The following FZR1 variants were observed in gnomAD, a reference collection of about 807,000 sequenced individuals.
FZR1 encodes the protein fizzy-related protein homolog.
In FZR1, 11 loss-of-function variants were observed where a neutral mutation model predicts 63.6. The ratio of observed to expected loss-of-function variants is 0.17; its 90% CI spans 0.11 to 0.29. FZR1 has a LOEUF of 0.29. Ranked by LOEUF, FZR1 falls within the 10% of genes least tolerant of loss-of-function variation. The pLI is 1.00. For synonymous variants in FZR1, 328 were observed against 297.9 expected (o/e 1.10, Z -1.04); for missense variants, 440 against 687.5 (o/e 0.64, Z 4.03).
rs190471746 is a variant in FZR1 at position 3,522,949 on chromosome 19, G to A, written c.-34-7G>A. ...CCCACTCACCTCTCCTGCCCTTCCC[G>A]CTGCAGGCTAACCTTGCCGCGGGCC... On this transcript the variant is annotated splice_polypyrimidine_tract_variant and splice_region_variant and intron_variant, in intron 1 of 13. Transcript: ENST00000441788. 3.2e-4 allele frequency: 480 copies of A among 1,482,362 alleles called. 1 individual carries two copies. Among genetic ancestry groups the A allele is most frequent in the African/African-American group, 1.1e-3 (82 of 72,448 alleles). The allele number at this position is 1,482,362 out of a possible 1,614,324, so 91.8% of individuals were successfully genotyped here. A position where few individuals can be genotyped will look rare whatever the true frequency, so the allele number is the denominator to read the frequency against.
At chr19:3,534,217 G>A (rs1166362742) in intron 12 of FZR1, 35 of 476,378 alleles carry the variant, frequency 7.3e-5, no homozygotes, top group Non-Finnish European at 1.0e-4. Flanking sequence ...GCCAGACCCC[G>A]TCTTAAAATT....
chr19:3,512,192 A>C (rs1215838193), intron 1 of FZR1, among the ~76,000 whole-genome samples: 2 of 152,292 alleles, frequency 1.3e-5, no homozygotes, highest in East Asian at 3.9e-4. Flanking sequence ...AGGAGCAGGG[A>C]GCAGTCTGGG....
At chr19:3,512,816 A>G (rs1374215073) in intron 1 of FZR1, among the ~76,000 whole-genome samples, 2 of 152,028 alleles carry the variant, frequency 1.3e-5, no homozygotes, top group Non-Finnish European at 2.9e-5. Flanking sequence ...TGGGAATGAG[A>G]TTAGTGGGAT....
intron 1 of FZR1, among the ~76,000 whole-genome samples, chr19:3,520,505 C>T (rs2083092171): frequency 6.6e-6 from 1 of 152,178 alleles, no homozygotes; most frequent in African/African-American, 2.4e-5. Flanking sequence ...AGGCGGTGGG[C>T]GCTGGCACCC....
intron 1 of FZR1, among the ~76,000 whole-genome samples, chr19:3,512,328 A>C (rs1354822529): frequency 6.6e-6 from 1 of 152,344 alleles, no homozygotes; most frequent in East Asian, 1.9e-4. Flanking sequence ...TCTCTGGGTC[A>C]TGCCGGGTGC....
At position 3,535,017 on chromosome 19, in the gene FZR1, C is replaced by CAGT; in HGVS notation, c.*183_*185dup. The CAGT allele has an allele frequency of 1.6e-6, 1 of 616,960 alleles. No homozygotes were observed. Among genetic ancestry groups the CAGT allele is most frequent in the East Asian group, 2.8e-5 (1 of 36,090 alleles). 38.2% of individuals were successfully genotyped at this position (616,960 alleles called of 1,614,324 possible). On this transcript the variant is annotated 3_prime_UTR_variant, in exon 14 of 14. Transcript: ENST00000441788. Reference sequence around the variant, plus strand: ...ATGCCTGATTGTGAACCATGTCCACCAGTATCTGGGGTGGGCACGTGGTCG... The same window carrying CAGT: ...ATGCCTGATTGTGAACCATGTCCACCAGTAGTATCTGGGGTGGGCACGTGGTCG...
chr19:3,522,863 T>C lies in FZR1; in HGVS notation c.-34-93T>C, dbSNP rs369466757. On this transcript the variant is annotated intron_variant, in intron 1 of 13. Transcript: ENST00000441788. ...GGAGCCAGGAGGACCCCACAGTCACTCTAGCTCCCAGGGCCTGGAGGTGCA... is the reference window on the plus strand; with the variant it reads ...GGAGCCAGGAGGACCCCACAGTCACCCTAGCTCCCAGGGCCTGGAGGTGCA... 82 of 735,960 alleles carry C rather than the reference T, an allele frequency of 1.1e-4. No homozygotes were observed. In the African/African-American group the frequency reaches 1.3e-3, roughly 12 times the overall value. The allele number at this position is 735,960 out of a possible 1,614,324, so 45.6% of individuals were successfully genotyped here.
At chr19:3,521,436 A>C (rs960956820) in intron 1 of FZR1, 3 of 151,928 alleles carry the variant, frequency 2.0e-5, no homozygotes, top group African/African-American at 7.3e-5. Flanking sequence ...GAAGATGAGA[A>C]AGTTCTAGAG....
At chr19:3,530,577 T>C (rs2083236855) in intron 7 of FZR1, among the ~76,000 whole-genome samples, 1 of 144,020 alleles carries the variant, frequency 6.9e-6, no homozygotes, top group Non-Finnish European at 1.5e-5. Flanking sequence ...TGAGAGTGGA[T>C]GGGAAAGCGG....
At chr19:3,528,945 A>T (rs1251537994) in intron 7 of FZR1, among the ~76,000 whole-genome samples, 2 of 140,108 alleles carry the variant, frequency 1.4e-5, no homozygotes, top group African/African-American at 5.4e-5. Context: ...AGTGGATGGG[A>T]GAGCGGATGG....
In FZR1 at chr19:3,515,052, C is replaced by T. The variant is rs1599773873; in HGVS notation, c.-34-7904C>T. Among the ~76,000 whole-genome samples, 1 of 152,160 alleles carries T rather than the reference C, an allele frequency of 6.6e-6. No individual in the cohort carries two copies. Among genetic ancestry groups the T allele is most frequent in the Admixed American group, 6.5e-5 (1 of 15,286 alleles). ...GCAGGAAGCCCGGTGGCCCAGGGCCCGGGTCCACCACCCAGACCAGGGCAA... is the reference window on the plus strand; with the variant it reads ...GCAGGAAGCCCGGTGGCCCAGGGCCTGGGTCCACCACCCAGACCAGGGCAA... On this transcript the variant is annotated intron_variant, in intron 1 of 13. Transcript: ENST00000441788. This position sits in a 1 kb window ranked among gnomAD's most constrained non-coding sequence, Gnocchi z 4.6.
intron 7 of FZR1, 50 bp from the exon 8 acceptor site, chr19:3,530,742 A>T: frequency 7.0e-7 from 1 of 1,422,914 alleles, no homozygotes. Context: ...CCATGGATAG[A>T]CTGGGGCTTC....
Position 3,522,986 on chromosome 19 carries a change from C to T in FZR1, c.-4C>T, listed in dbSNP as rs201877068. 75 of 1,608,978 alleles carry T rather than the reference C, an allele frequency of 4.7e-5. No homozygotes were observed. In the East Asian group the frequency reaches 1.5e-3, roughly 33 times the overall value. ...CCTTGCCGCGGGCCGAGCCCTGCCT[C>T]GCCATGGACCAGGACTATGAGCGGC... On this transcript the variant is annotated 5_prime_UTR_variant, in exon 2 of 14. Coordinates refer to ENST00000441788, the MANE Select transcript of FZR1 (RefSeq NM_016263.4).
In FZR1 at chr19:3,515,035, C is replaced by A. The variant is rs755326454; in HGVS notation, c.-34-7921C>A. On this transcript the variant is annotated intron_variant, in intron 1 of 13. Transcript: ENST00000441788. The surrounding 1 kb of genome is among the most constrained non-coding windows in gnomAD (Gnocchi z 4.6). ...GCCAAGGGGATGGGGCAGCAGGAAG[C>A]CCGGTGGCCCAGGGCCCGGGTCCAC... 5.1e-4 allele frequency among the ~76,000 whole-genome samples: 77 copies of A among 152,294 alleles called. No homozygotes were observed. The highest frequency in any genetic ancestry group is 8.8e-4 in the Non-Finnish European group (60 of 68,006).
At position 3,516,088 on chromosome 19, in the gene FZR1, T is replaced by C. The variant is rs1217402906; in HGVS notation, c.-34-6868T>C. Among the ~76,000 whole-genome samples the C allele has an allele frequency of 6.6e-6, 1 of 152,152 alleles. No individual in the cohort carries two copies. The highest frequency in any genetic ancestry group is 2.4e-5 in the African/African-American group (1 of 41,426). ...AGTAGAAATACCGCATCACAGAGGA[T>C]GTGCATTTTTTAAATTTTGGAAGCA... On this transcript the variant is annotated intron_variant, in intron 1 of 13. Transcript: ENST00000441788. The surrounding 1 kb of genome is among the most constrained non-coding windows in gnomAD (Gnocchi z 6.0).
chr19:3,533,585 A>AT lies in FZR1; in HGVS notation c.1347+187_1347+188insT. The AT allele has an allele frequency of 1.7e-6, 1 of 584,642 alleles. No homozygotes were observed. Among genetic ancestry groups the AT allele is most frequent in the Non-Finnish European group, 3.1e-6 (1 of 325,878 alleles). The allele number at this position is 584,642 out of a possible 1,614,324, so 36.2% of individuals were successfully genotyped here. On this transcript the variant is annotated intron_variant, in intron 12 of 13. Coordinates refer to ENST00000441788, the MANE Select transcript of FZR1 (RefSeq NM_016263.4). The surrounding 1 kb of genome is among the most constrained non-coding windows in gnomAD (Gnocchi z 4.9). ...TGTTGCCAGCGTTGGAATGGGCTCT[A>AT]CCGAACTCCCCAGCCCTGCAGGTGC...
intron 1 of FZR1, among the ~76,000 whole-genome samples, chr19:3,509,694 A>G (rs2083011016): frequency 6.6e-6 from 1 of 152,172 alleles, no homozygotes; most frequent in African/African-American, 2.4e-5. Flanking sequence ...TAGAAATGGA[A>G]TCCCACATTG....
chr19:3,508,078 CTG>C (rs1337884747), intron 1 of FZR1, among the ~76,000 whole-genome samples: 1 of 133,474 alleles, frequency 7.5e-6, no homozygotes, highest in East Asian at 2.6e-4. Flanking sequence ...ATTTCAGAAC[CTG>C]TGCCCTGGCT....
In FZR1 at chr19:3,533,515, G is replaced by A. The variant is rs2083268286; in HGVS notation, c.1347+117G>A. On this transcript the variant is annotated intron_variant, in intron 12 of 13. Coordinates refer to ENST00000441788, the MANE Select transcript of FZR1 (RefSeq NM_016263.4). This position sits in a 1 kb window ranked among gnomAD's most constrained non-coding sequence, Gnocchi z 4.9. ...GGATGGTGTGCAGATCTAAAACCCC[G>A]TGGGACCCAGCAGCAGGGGCCGGCA... The A allele has an allele frequency of 1.7e-5, 11 of 663,996 alleles. No individual in the cohort carries two copies. Among genetic ancestry groups the A allele is most frequent in the Middle Eastern group, 2.5e-4 (1 of 4,034 alleles). 41.1% of individuals were successfully genotyped at this position (663,996 alleles called of 1,614,324 possible).
Sources: allele counts gnomAD v4.1 joint callset (sites outside exome capture counted in the v4.1 genomes callset), GRCh38; gene constraint gnomAD v4.1.1; non-coding constraint Gnocchi (gnomAD v3.1); transcripts MANE v1.5; gene names NCBI Gene and HGNC (gene_info 2026-07-23, HGNC 2026-07-21).